Variants in RPGR observed in about 807,000 individuals in gnomAD.
RPGR encodes X-linked retinitis pigmentosa GTPase regulator.
A neutral mutation model predicts 56.3 loss-of-function variants in RPGR; 10 were observed. The ratio of observed to expected loss-of-function variants is 0.18; its 90% CI spans 0.11 to 0.30. The LOEUF is 0.30. Ranked by LOEUF, RPGR falls within the 10% of genes least tolerant of loss-of-function variation. RPGR has a pLI of 1.00. For synonymous variants in RPGR, 197 were observed against 212.9 expected (o/e 0.93, Z 0.65); for missense variants, 538 against 590.9 (o/e 0.91, Z 0.93).
intron 4 of RPGR, among the ~76,000 whole-genome samples, chrX:38,319,765 T>C (rs2067895407): frequency 8.9e-6 from 1 of 112,521 alleles, no homozygotes; most frequent in Admixed American, 9.4e-5. Flanking sequence ...AAAAAGTACA[T>C]CATGCCTAGA....
intron 18 of RPGR, among the ~76,000 whole-genome samples, chrX:38,271,614 C>T (rs1344224386): frequency 4.5e-5 from 5 of 111,918 alleles, no homozygotes; most frequent in African/African-American, 1.6e-4. Flanking sequence ...ACATTGTGGT[C>T]TACCCTTAAA....
intron 9 of RPGR, among the ~76,000 whole-genome samples, chrX:38,300,458 C>A (rs1424308504): frequency 8.9e-6 from 1 of 111,764 alleles, no homozygotes; most frequent in Non-Finnish European, 1.9e-5. Flanking sequence ...AGGTATGATG[C>A]GTGATGGTGA....
rs794727844 is a variant in RPGR, at chrX:38,310,616, C to A, written c.777G>T (p.Thr259=). The A allele has an allele frequency of 8.3e-7, 1 of 1,210,895 alleles. No individual in the cohort carries two copies. Among genetic ancestry groups the A allele is most frequent in the African/African-American group, 1.7e-5 (1 of 57,718 alleles). ...CAGAACAGTGGACTCCACACATACC[C>A]GTGAGAACCACAGTATGCTCTCCAC... The change falls in exon 7 of 19, where the codon ACG becomes ACT. Residue 259 remains threonine, a splice_region_variant and synonymous_variant. Transcript: ENST00000642395.
At chrX:38,285,018 C>T in intron 15 of RPGR, 1 of 752,179 alleles carries the variant, frequency 1.3e-6, no homozygotes, top group Non-Finnish European at 1.6e-6. Flanking sequence ...AAAGACAATA[C>T]TTTCTTTAAA....
intron 7 of RPGR, among the ~76,000 whole-genome samples, chrX:38,305,437 G>A (rs1353672170): frequency 3.8e-5 from 4 of 105,885 alleles, no homozygotes; most frequent in African/African-American, 1.4e-4. Context: ...AGAACCAACT[G>A]TCATTAAGCT....
At chrX:38,327,294 G>T (rs765357971) in intron 1 of RPGR, 46 bp downstream of exon 1, 55 of 1,155,062 alleles carry the variant, frequency 4.8e-5, no homozygotes, top group Non-Finnish European at 6.1e-5. Flanking sequence ...GGCCGCCCGC[G>T]GACCCTCCCT....
At chrX:38,275,208 G>A in intron 16 of RPGR, 1 of 970,178 alleles carries the variant, frequency 1.0e-6, no homozygotes, top group South Asian at 2.0e-5. Flanking sequence ...GAAAACTTAA[G>A]TCTGAATCTT....
chrX:38,291,308 G>T, intron 12 of RPGR, 85 bp downstream of exon 12: 1 of 569,881 alleles, frequency 1.8e-6, no homozygotes, highest in South Asian at 2.7e-5. Flanking sequence ...ATGCATATAA[G>T]AGTATAGGAA....
intron 1 of RPGR, 62 bp downstream of exon 1, chrX:38,327,278 G>A: frequency 8.9e-7 from 1 of 1,118,406 alleles, no homozygotes; most frequent in Admixed American, 2.6e-5. Flanking sequence ...TCCGGAGGCG[G>A]GGCCCGGCCG....
Position 38,286,180 on chromosome X carries a change from T to G in RPGR, c.1905+914A>C, listed in dbSNP as rs1439499738. 6 of 561,541 alleles carry G rather than the reference T, an allele frequency of 1.1e-5. No homozygotes were observed. The highest frequency in any genetic ancestry group is 1.4e-5 in the Non-Finnish European group (6 of 422,218). 46.3% of individuals were successfully genotyped at this position (561,541 alleles called of 1,213,427 possible). On this transcript the variant is annotated intron_variant, in intron 15 of 18. Coordinates refer to ENST00000642395, the MANE Select transcript of RPGR (RefSeq NM_000328.3). The stretch of plus-strand genomic sequence containing the variant: ...CCCCTCCCCTTCTCCATCCTCCCCT[T>G]CCCCTTCTCCTTCCTCCTCTTCCCC...
At position 38,286,672 on chromosome X, in the gene RPGR, T is replaced by C; in HGVS notation, c.1905+422A>G. 2.6e-6 allele frequency: 3 copies of C among 1,144,278 alleles called. No homozygotes were observed. The highest frequency in any genetic ancestry group is 3.5e-6 in the Non-Finnish European group (3 of 864,855). The allele number at this position is 1,144,278 out of a possible 1,213,427, so 94.3% of individuals were successfully genotyped here. A position where few individuals can be genotyped will look rare whatever the true frequency, so the allele number is the denominator to read the frequency against. On this transcript the variant is annotated intron_variant, in intron 15 of 18. Coordinates refer to ENST00000642395, the MANE Select transcript of RPGR (RefSeq NM_000328.3). ...CTCCTTCCCCGCTCTTTCCTCCTTT[T>C]TCCTCTCTCCTTCCTCCTTTTCACG...
Position 38,310,685 on chromosome X carries a change from C to T in RPGR, c.708G>A (p.Gln236=). The T allele has an allele frequency of 1.7e-6, 2 of 1,210,648 alleles. No homozygotes were observed. Among genetic ancestry groups the T allele is most frequent in the Non-Finnish European group, 2.2e-6 (2 of 894,854 alleles). ...CCTTCTCCGGAATTTCAGACACCAG[C>T]TGGGGTGTTCTGTGATTGCCCAGGA... Residue 236 remains glutamine (Q), a synonymous_variant, in exon 7 of 19, where the codon CAG becomes CAA. Coordinates refer to ENST00000642395, the MANE Select transcript of RPGR (RefSeq NM_000328.3).
rs2067129513 is a variant in RPGR at position 38,285,981 on chromosome X, C to G, written c.1905+1113G>C. 4.0e-6 allele frequency: 4 copies of G among 1,003,544 alleles called. No individual in the cohort carries two copies. Among genetic ancestry groups the G allele is most frequent in the South Asian group, 4.5e-5 (2 of 44,592 alleles). The allele number at this position is 1,003,544 out of a possible 1,213,427, so 82.7% of individuals were successfully genotyped here. A position where few individuals can be genotyped will look rare whatever the true frequency, so the allele number is the denominator to read the frequency against. On this transcript the variant is annotated intron_variant, in intron 15 of 18. Transcript: ENST00000642395. ...CCTCCCCTTCTCCCTCCCCTTCTTC[C>G]TCTCCCTCTCCTTCTTCCTCCCCTT...
chrX:38,294,705 T>A (rs912738117), intron 11 of RPGR, among the ~76,000 whole-genome samples: 1 of 112,557 alleles, frequency 8.9e-6, no homozygotes, highest in African/African-American at 3.2e-5. Flanking sequence ...CTTCCTCAAA[T>A]GTGTCAAGCT....
At chrX:38,302,840 T>A (rs1251613624) in intron 8 of RPGR, among the ~76,000 whole-genome samples, 1 of 98,139 alleles carries the variant, frequency 1.0e-5, no homozygotes, top group East Asian at 3.3e-4. Context: ...AGATGGGGTC[T>A]CGCTCTGTCA....
intron 17 of RPGR, chrX:38,273,768 A>T: frequency 5.1e-6 from 1 of 194,503 alleles, no homozygotes. Flanking sequence ...AAATTACTTT[A>T]AAAATTAACC....
At chrX:38,277,812 T>C (rs113826436) in intron 15 of RPGR, among the ~76,000 whole-genome samples, 2,870 of 111,746 alleles carry the variant, frequency 0.026, 43 homozygotes, top group Non-Finnish European at 0.041. Flanking sequence ...ACAGAATCTT[T>C]AGTAGGTGGT....
chrX:38,314,498 C>T (rs1204731091), intron 6 of RPGR, among the ~76,000 whole-genome samples: 1 of 111,156 alleles, frequency 9.0e-6, no homozygotes, highest in South Asian at 3.7e-4. Flanking sequence ...CAAATTCCTG[C>T]CCCCAGTTCC....
chrX:38,316,334 A>G (rs778122919), intron 6 of RPGR, among the ~76,000 whole-genome samples: 30 of 111,724 alleles, frequency 2.7e-4, no homozygotes, highest in African/African-American at 9.1e-4. Flanking sequence ...GCTCAATGTA[A>G]TGCCTGTTGG....
Sources: allele counts gnomAD v4.1 joint callset (sites outside exome capture counted in the v4.1 genomes callset), GRCh38; gene constraint gnomAD v4.1.1; transcripts MANE v1.5; gene names NCBI Gene and HGNC (gene_info 2026-07-23, HGNC 2026-07-21).